Variants in KMO observed in about 807,000 individuals in gnomAD.
KMO encodes kynurenine 3-hydroxylase.
Under a neutral mutation model 57.8 loss-of-function variants are expected in KMO, and 24 were observed. The observed-to-expected ratio is 0.42, with a 90% CI of 0.30 to 0.58. The LOEUF (loss-of-function observed/expected upper bound fraction) is 0.58. Among genes scored for constraint, KMO ranks in the 20% least tolerant of loss-of-function variants. KMO has a pLI of 0.22. For missense variants in KMO, 483 were observed against 588.2 expected, an observed-to-expected ratio of 0.82 and a Z score of 1.85; for synonymous variants, 210 against 193.6, an observed-to-expected ratio of 1.08 and a Z score of -0.70.
intron 8 of KMO, among the ~76,000 whole-genome samples, chr1:241,565,710 C>G (rs1028848823): frequency 4.0e-5 from 6 of 151,882 alleles, no homozygotes; most frequent in Admixed American, 3.9e-4. Flanking sequence ...GACAACAAAG[C>G]AAGACCCTGT....
chr1:241,591,969 T>C lies in KMO; in HGVS notation c.1277T>C (p.Leu426Pro). Reference protein sequence around the residue: ...HWQKKVINKGLFFLGSLIAIS... With the variant: ...HWQKKVINKGPFFLGSLIAIS... Reference sequence around the variant, plus strand: ...GTCTTACAGGTGATAAACAAAGGACTCTTTTTCTTGGGATCACTGATAGCC... The same window carrying C: ...GTCTTACAGGTGATAAACAAAGGACCCTTTTTCTTGGGATCACTGATAGCC... The change falls in exon 15 of 15, where the codon CTC (leucine) becomes CCC (proline). Residue 426 changes from leucine (L) to proline (P), a missense_variant. This residue lies in a region of KMO where 410 missense variants were observed against 492.3 expected (regional missense o/e 0.83). Transcript: ENST00000366559. The C allele has an allele frequency of 6.2e-7, 1 of 1,613,706 alleles. No individual in the cohort carries two copies. The highest frequency in any genetic ancestry group is 8.5e-7 in the Non-Finnish European group (1 of 1,179,616).
At chr1:241,546,322 C>T (rs936054456) in intron 1 of KMO, among the ~76,000 whole-genome samples, 3 of 152,314 alleles carry the variant, frequency 2.0e-5, no homozygotes, top group Middle Eastern at 3.4e-3. Context: ...GCCTCTCTTG[C>T]ATTTGTAGAT....
chr1:241,560,817 A>T (rs2147959621), intron 6 of KMO, 65 bp downstream of exon 6: 1 of 1,043,332 alleles, frequency 9.6e-7, no homozygotes, highest in Non-Finnish European at 1.5e-6. Context: ...GTATCTGCAA[A>T]CTTTGTTCTT....
At chr1:241,565,164 T>C (rs1057075918) in intron 8 of KMO, 106 bp downstream of exon 8, 10 of 683,518 alleles carry the variant, frequency 1.5e-5, no homozygotes, top group Non-Finnish European at 2.3e-5. Context: ...CTCTTCATTG[T>C]TTAATCCATT....
intron 1 of KMO, among the ~76,000 whole-genome samples, chr1:241,540,616 G>C (rs1218897584): frequency 6.6e-6 from 1 of 152,178 alleles, no homozygotes; most frequent in Non-Finnish European, 1.5e-5. Flanking sequence ...ATGAGATAGT[G>C]CATGAGAATA....
chr1:241,575,557 C>A (rs1662479635), intron 10 of KMO, among the ~76,000 whole-genome samples: 1 of 151,972 alleles, frequency 6.6e-6, no homozygotes, highest in South Asian at 2.1e-4. Context: ...TGTTTAATTT[C>A]CATGTATTTG....
intron 1 of KMO, among the ~76,000 whole-genome samples, chr1:241,537,428 A>G (rs1660790212): frequency 6.6e-6 from 1 of 152,224 alleles, no homozygotes; most frequent in Admixed American, 6.5e-5. Context: ...TTAATGAGCT[A>G]TACCATGAAA....
intron 1 of KMO, 61 bp downstream of exon 1, chr1:241,532,559 AATG>A: frequency 1.6e-6 from 2 of 1,234,222 alleles, no homozygotes; most frequent in Non-Finnish European, 2.3e-6. Context: ...TATTACTCGT[AATG>A]ATTATTATTC....
intron 5 of KMO, 45 bp from the exon 6 acceptor site, chr1:241,560,620 G>T (rs142159047): frequency 7.6e-7 from 1 of 1,312,060 alleles, no homozygotes; most frequent in South Asian, 1.2e-5. Context: ...AGTGAAGTAA[G>T]AATTGAGATT....
chr1:241,579,263 G>C lies in KMO; in HGVS notation c.958-7416G>C, dbSNP rs575176121. Among the ~76,000 whole-genome samples, 8 of 152,206 alleles carry C rather than the reference G, an allele frequency of 5.3e-5. No homozygotes were observed. The South Asian group carries it at 1.7e-3, about 32-fold the overall frequency. On this transcript the variant is annotated intron_variant, in intron 10 of 14. Coordinates refer to ENST00000366559, the MANE Select transcript of KMO (RefSeq NM_003679.5). ...GTTTGGTGGTAGCAGTGGGATTTCT[G>C]CTTGCCTTATGTTACCTAGGGGAGG...
intron 5 of KMO, 92 bp downstream of exon 5, chr1:241,555,752 C>T: frequency 1.3e-6 from 1 of 786,622 alleles, no homozygotes; most frequent in South Asian, 1.5e-5. Context: ...GTTTGCTGCT[C>T]CTTTTTATGG....
At chr1:241,575,355 G>A (rs1662469600) in intron 10 of KMO, among the ~76,000 whole-genome samples, 1 of 151,982 alleles carries the variant, frequency 6.6e-6, no homozygotes, top group African/African-American at 2.4e-5. Flanking sequence ...GGTGTCACAT[G>A]ATGTTGTCAA....
At chr1:241,582,785 T>G (rs1662801339) in intron 10 of KMO, among the ~76,000 whole-genome samples, 1 of 152,180 alleles carries the variant, frequency 6.6e-6, no homozygotes. Flanking sequence ...TTTAGTTCGT[T>G]TGGTAAGGTC....
Position 241,588,668 on chromosome 1 carries a change from C to T in KMO, c.1016-80C>T, listed in dbSNP as rs748251516. 3.6e-5 allele frequency: 34 copies of T among 937,070 alleles called. 2 individuals are homozygous for T. Among genetic ancestry groups the T allele is most frequent in the South Asian group, 3.1e-4 (22 of 71,746 alleles). The allele number at this position is 937,070 out of a possible 1,614,324, so 58.0% of individuals were successfully genotyped here. On this transcript the variant is annotated intron_variant, in intron 11 of 14. Transcript: ENST00000366559. ...AATTAGCGAGAGCATTGGTAGTGAA[C>T]GTACCATTTAATTTGACCTGTGTAG... is the stretch of plus-strand genomic sequence containing the variant.
intron 5 of KMO, among the ~76,000 whole-genome samples, chr1:241,559,659 G>T (rs1208805393): frequency 6.6e-6 from 1 of 152,060 alleles, no homozygotes; most frequent in Admixed American, 6.6e-5. Flanking sequence ...AATAAGACAA[G>T]ATTGAGATGA....
At chr1:241,558,883 G>A (rs186007812) in intron 5 of KMO, among the ~76,000 whole-genome samples, 2 of 151,886 alleles carry the variant, frequency 1.3e-5, no homozygotes, top group Admixed American at 1.3e-4. Context: ...GAGGCCGAAG[G>A]GGGTGGATCA....
chr1:241,535,233 T>A (rs903809803), intron 1 of KMO, among the ~76,000 whole-genome samples: 1 of 152,100 alleles, frequency 6.6e-6, no homozygotes, highest in Non-Finnish European at 1.5e-5. Flanking sequence ...CAAGATTACA[T>A]TTTTGCCCAT....
chr1:241,578,295 C>G (rs181482798), intron 10 of KMO, among the ~76,000 whole-genome samples: 179 of 152,278 alleles, frequency 1.2e-3, no homozygotes, highest in African/African-American at 4.0e-3. Context: ...TTGCTGAGCC[C>G]AGCACTGCAA....
chr1:241,536,559 G>A, intron 1 of KMO: 1 of 972,806 alleles, frequency 1.0e-6, no homozygotes, highest in Non-Finnish European at 1.2e-6. Flanking sequence ...GAAGCCAAGA[G>A]CCTTGGTAAG....
Sources: allele counts gnomAD v4.1 joint callset (sites outside exome capture counted in the v4.1 genomes callset), GRCh38; gene constraint gnomAD v4.1.1; regional missense constraint gnomAD v4.1.1; transcripts MANE v1.5; gene names NCBI Gene and HGNC (gene_info 2026-07-23, HGNC 2026-07-21).